Variants in REPS2 observed in about 807,000 individuals in gnomAD.
REPS2 encodes the protein RALBP1 associated Eps domain containing 2.
REPS2 carries 23 observed loss-of-function variants against 53.6 expected under a neutral mutation model. The ratio of observed to expected loss-of-function variants is 0.43; its 90% CI spans 0.31 to 0.61. The LOEUF is 0.61. REPS2 is among the 20% of genes least tolerant of loss of function. REPS2 has a pLI of 0.11. For missense variants in REPS2, 446 were observed against 534.9 expected (o/e 0.83, Z 1.64); for synonymous variants, 238 against 218.6 (o/e 1.09, Z -0.78).
chrX:17,166,035 T>C, the REPS2 span, among the ~76,000 whole-genome samples: 2 of 111,910 alleles, frequency 1.8e-5, no homozygotes, highest in Non-Finnish European at 3.8e-5. Flanking sequence ...ATGATTATTA[T>C]ACATAATTTT....
the REPS2 span, among the ~76,000 whole-genome samples, chrX:17,185,757 G>A: frequency 6.3e-5 from 7 of 111,538 alleles, no homozygotes; most frequent in African/African-American, 1.3e-4. Flanking sequence ...AATCTGTCAC[G>A]TTCTGTAAGA....
chrX:17,103,801 T>G (rs2062838010), intron 14 of REPS2, 22 bp downstream of exon 14: 1 of 1,185,890 alleles, frequency 8.4e-7, no homozygotes, highest in Non-Finnish European at 1.1e-6. Context: ...ATTTGATTTA[T>G]GTAAACTGTT....
rs1424708377 is a variant in REPS2 at position 17,097,926 on chromosome X, A to C, written c.1517-5792A>C. ...TAGTTTAAAATCTTGTTTAAAGAAA[A>C]CTCCGGGCTCAGGTGGCTCTCCTGG... On this transcript the variant is annotated intron_variant, in intron 13 of 17. Transcript: ENST00000357277. Among the ~76,000 whole-genome samples the C allele has an allele frequency of 2.7e-5, 3 of 111,582 alleles. No homozygotes were observed. In the East Asian group the frequency reaches 8.3e-4, roughly 31 times the overall value.
chrX:17,048,010 A>G (rs139863905), intron 6 of REPS2, among the ~76,000 whole-genome samples: 4,380 of 112,668 alleles, frequency 0.039, 86 homozygotes, highest in Non-Finnish European at 0.061. Flanking sequence ...GTCTTCAGAT[A>G]TATAGATTCC....
rs768986437 is a variant in REPS2, at chrX:17,026,126, G to A, written c.673+941G>A. 4.5e-5 allele frequency among the ~76,000 whole-genome samples: 5 copies of A among 112,216 alleles called. No individual in the cohort carries two copies. In the South Asian group the frequency reaches 1.8e-3, roughly 41 times the overall value. Reference sequence around the variant, plus strand: ...TAATGGCAATAGCTTTTGATTGGAAGCAGAAGGTGTGTGGGTTTCTGTGAC... The same window carrying A: ...TAATGGCAATAGCTTTTGATTGGAAACAGAAGGTGTGTGGGTTTCTGTGAC... On this transcript the variant is annotated intron_variant, in intron 4 of 17. Coordinates refer to ENST00000357277, the MANE Select transcript of REPS2 (RefSeq NM_004726.3).
At chrX:17,050,818 A>G (rs772142607) in intron 6 of REPS2, among the ~76,000 whole-genome samples, 1 of 111,671 alleles carries the variant, frequency 9.0e-6, no homozygotes, top group East Asian at 2.8e-4. Flanking sequence ...TAAATGGGGT[A>G]TCCATCCCCT....
rs2061278296 is a variant in REPS2, at chrX:16,999,762, C to T, written c.274-6459C>T. ...CCTTTTCTTTTTAAAAAAGCAAAAT[C>T]TTGGCCGGGCACGGTGGCTCACGCC... is the stretch of plus-strand genomic sequence containing the variant. On this transcript the variant is annotated intron_variant, in intron 1 of 17. Coordinates refer to ENST00000357277, the MANE Select transcript of REPS2 (RefSeq NM_004726.3). Among the ~76,000 whole-genome samples, 3 of 111,145 alleles carry T rather than the reference C, an allele frequency of 2.7e-5. No homozygotes were observed. The South Asian group carries it at 1.1e-3, about 42-fold the overall frequency.
chrX:16,984,613 C>G (rs766594029), intron 1 of REPS2, among the ~76,000 whole-genome samples: 12 of 112,021 alleles, frequency 1.1e-4, no homozygotes, highest in Non-Finnish European at 1.9e-4. Context: ...TCTAATATTC[C>G]AAACACCTGT....
At chrX:17,131,475 T>C (rs1771652631) in intron 14 of REPS2, among the ~76,000 whole-genome samples, 1 of 111,636 alleles carries the variant, frequency 9.0e-6, no homozygotes, top group African/African-American at 3.3e-5. Flanking sequence ...AGGGATGAAG[T>C]GGGCATACTA....
chrX:16,976,913 A>C (rs2060961885), intron 1 of REPS2, among the ~76,000 whole-genome samples: 1 of 111,459 alleles, frequency 9.0e-6, no homozygotes, highest in Admixed American at 9.5e-5. Context: ...GACAAATTTG[A>C]AAAGGCCTTG....
chrX:17,098,510 AG>A (rs1401426789), intron 13 of REPS2, among the ~76,000 whole-genome samples: 1 of 112,299 alleles, frequency 8.9e-6, no homozygotes, highest in African/African-American at 3.2e-5. Flanking sequence ...ATGTAGCTCT[AG>A]ATCCAAGTCT....
At chrX:17,000,033 C>T (rs1215668729) in intron 1 of REPS2, among the ~76,000 whole-genome samples, 1 of 78,169 alleles carries the variant, frequency 1.3e-5, no homozygotes, top group Non-Finnish European at 2.3e-5. Context: ...GGCGACAGAG[C>T]GAGACTCCGT....
chrX:17,049,588 T>C (rs2061952583), intron 6 of REPS2, among the ~76,000 whole-genome samples: 1 of 112,002 alleles, frequency 8.9e-6, no homozygotes, highest in African/African-American at 3.2e-5. Flanking sequence ...AGCTGTGCAA[T>C]TTTTTTAAAT....
intron 13 of REPS2, among the ~76,000 whole-genome samples, chrX:17,101,161 CT>C (rs1052554569): frequency 9.4e-6 from 1 of 106,248 alleles, no homozygotes; most frequent in Non-Finnish European, 1.9e-5. Flanking sequence ...TCACGCCATT[CT>C]CCTGCCTCAG....
At chrX:16,970,265 C>T (rs746609748) in intron 1 of REPS2, among the ~76,000 whole-genome samples, 13 of 108,091 alleles carry the variant, frequency 1.2e-4, no homozygotes, top group South Asian at 4.1e-4. Flanking sequence ...GGCGTGATCT[C>T]GGCTCACTGC....
chrX:16,953,100 A>C (rs930939765), intron 1 of REPS2, among the ~76,000 whole-genome samples: 13 of 97,235 alleles, frequency 1.3e-4, no homozygotes, highest in South Asian at 5.1e-4. Context: ...CCAAAAAACA[A>C]ACACACACAC....
At chrX:17,095,924 A>G (rs1339410202) in intron 13 of REPS2, among the ~76,000 whole-genome samples, 2 of 112,080 alleles carry the variant, frequency 1.8e-5, no homozygotes, top group Non-Finnish European at 3.8e-5. Flanking sequence ...CTAGTCAGCT[A>G]TTAGTTGCTC....
At chrX:17,084,790 C>G (rs2062509569) in intron 13 of REPS2, among the ~76,000 whole-genome samples, 1 of 111,670 alleles carries the variant, frequency 9.0e-6, no homozygotes, top group African/African-American at 3.3e-5. Flanking sequence ...CATAAAAGTT[C>G]CTTTACAGAT....
At chrX:16,979,883 G>A (rs368872567) in intron 1 of REPS2, among the ~76,000 whole-genome samples, 1 of 109,915 alleles carries the variant, frequency 9.1e-6, no homozygotes, top group South Asian at 3.9e-4. Context: ...TGACTTCTTG[G>A]ATGGAGAAAA....
Sources: gnomAD v4.1 joint callset for allele counts (sites outside exome capture counted in the v4.1 genomes callset) on GRCh38, gnomAD v4.1.1 for gene constraint, MANE v1.5 for transcripts, NCBI Gene and HGNC (gene_info 2026-07-23, HGNC 2026-07-21) for gene names.